Variants in HERC2 observed in about 807,000 individuals in gnomAD.
HERC2 encodes the protein HECT and RLD domain containing E3 ubiquitin protein ligase 2.
In HERC2, 102 loss-of-function variants were observed where a neutral mutation model predicts 537.7. The ratio of observed to expected loss-of-function variants is 0.19; its 90% CI spans 0.16 to 0.22. The LOEUF is 0.22. HERC2 is among the 10% of genes least tolerant of loss of function. The pLI is 1.00. For missense variants in HERC2, 4,236 were observed against 6,198.2 expected, an observed-to-expected ratio of 0.68 and a Z score of 10.63; for synonymous variants, 2,224 against 2,466.2, an observed-to-expected ratio of 0.90 and a Z score of 2.91.
intron 68 of HERC2, among the ~76,000 whole-genome samples, chr15:28,166,643 GA>G (rs1894165831): frequency 1.3e-5 from 2 of 152,146 alleles, no homozygotes; most frequent in African/African-American, 4.8e-5. Context: ...AATGAAGGAA[GA>G]GCCCTAAAAA....
rs143639066 is a variant in HERC2, at chr15:28,178,759, T to C, written c.9163+128A>G. 5.8e-6 allele frequency: 6 copies of C among 1,042,734 alleles called. No homozygotes were observed. The Admixed American group carries it at 7.8e-5, about 14-fold the overall frequency. The allele number at this position is 1,042,734 out of a possible 1,614,324, so 64.6% of individuals were successfully genotyped here. A position where few individuals can be genotyped will look rare whatever the true frequency, so the allele number is the denominator to read the frequency against. Reference sequence around the variant, plus strand: ...TTCTAGACCACCTAGAGATTTACATTATCCAATTTTTATTCCTACTAAGTA... The same window carrying C: ...TTCTAGACCACCTAGAGATTTACATCATCCAATTTTTATTCCTACTAAGTA... On this transcript the variant is annotated intron_variant, in intron 59 of 92. Coordinates refer to ENST00000261609, the MANE Select transcript of HERC2 (RefSeq NM_004667.6).
chr15:28,143,097 G>A (rs760354462), intron 74 of HERC2, 145 bp from the exon 75 acceptor site: 18 of 728,342 alleles, frequency 2.5e-5, no homozygotes, highest in Non-Finnish European at 3.8e-5. Flanking sequence ...AAATTCTCAA[G>A]TAGGAAAAAA....
At chr15:28,194,119 G>A (rs924247551) in intron 52 of HERC2, among the ~76,000 whole-genome samples, 1 of 149,928 alleles carries the variant, frequency 6.7e-6, no homozygotes, top group African/African-American at 2.5e-5. Context: ...AGGCTGGAGT[G>A]CAGTGGCACG....
rs1383342601 is a variant in HERC2, at chr15:28,142,417, C to T, written c.11545-24G>A. ...ACCTGCAGGCACCAAAAATGACAAA[C>T]TCAGGGAAACTCAGAAATGCAGTGA... On this transcript the variant is annotated intron_variant, in intron 75 of 92. Transcript: ENST00000261609. 8 of 1,604,418 alleles carry T rather than the reference C, an allele frequency of 5.0e-6. 1 individual carries two copies. The highest frequency in any genetic ancestry group is 6.0e-6 in the Non-Finnish European group (7 of 1,175,204).
rs564751399 is a variant in HERC2, at chr15:28,162,157, C to T, written c.10746+937G>A. 1.6e-4 allele frequency among the ~76,000 whole-genome samples: 25 copies of T among 152,166 alleles called. No individual in the cohort carries two copies. The South Asian group carries it at 2.1e-3, about 13-fold the overall frequency. ...CCAGCCGGGCCAACATGGTGAAACC[C>T]CATCTCAACTAAAAATACAAAAATT... On this transcript the variant is annotated intron_variant, in intron 69 of 92. Coordinates refer to ENST00000261609, the MANE Select transcript of HERC2 (RefSeq NM_004667.6).
chr15:28,311,261 T>G (rs1284088483), intron 2 of HERC2, among the ~76,000 whole-genome samples: 2 of 151,642 alleles, frequency 1.3e-5, no homozygotes, highest in Admixed American at 1.3e-4. Flanking sequence ...GCCCAGGAGT[T>G]CGAGACCAGC....
rs142517992 is a variant in HERC2, at chr15:28,240,147, A to G, written c.3578-1375T>C. Among the ~76,000 whole-genome samples, 182 of 152,258 alleles carry G rather than the reference A, an allele frequency of 1.2e-3. 1 individual carries two copies. Among genetic ancestry groups the G allele is most frequent in the East Asian group, 7.3e-3 (38 of 5,178 alleles). On this transcript the variant is annotated intron_variant, in intron 23 of 92. Transcript: ENST00000261609. ...TTAAAATAATCCAATCAGAGGGCGC[A>G]GTGGCTCACGCCTGTAATCCCAGCA...
intron 16 of HERC2, among the ~76,000 whole-genome samples, chr15:28,259,117 G>A (rs770644648): frequency 2.0e-5 from 3 of 151,968 alleles, no homozygotes; most frequent in Non-Finnish European, 4.4e-5. Context: ...TTTTTGAGAC[G>A]GAGTTTCGCT....
intron 56 of HERC2, among the ~76,000 whole-genome samples, chr15:28,186,138 C>T (rs1307757484): frequency 6.6e-6 from 1 of 152,072 alleles, no homozygotes; most frequent in Non-Finnish European, 1.5e-5. Flanking sequence ...CTGAACTGTA[C>T]ACTTAAAATG....
chr15:28,175,062 A>T (rs1895126991), intron 64 of HERC2, among the ~76,000 whole-genome samples: 1 of 152,022 alleles, frequency 6.6e-6, no homozygotes, highest in African/African-American at 2.4e-5. Context: ...TTGTTTCCAT[A>T]AATAAAATTT....
chr15:28,259,969 CAAAAAAAAAA>C lies in HERC2; in HGVS notation c.2316+798_2316+807del, dbSNP rs35995546. Among the ~76,000 whole-genome samples, 15 of 67,570 alleles carry C rather than the reference CAAAAAAAAAA, an allele frequency of 2.2e-4. No homozygotes were observed. The East Asian group carries it at 3.1e-3, about 14-fold the overall frequency. 44.3% of individuals were successfully genotyped at this position (67,570 alleles called of 152,430 possible). A position where few individuals can be genotyped will look rare whatever the true frequency, so the allele number is the denominator to read the frequency against. On this transcript the variant is annotated intron_variant, in intron 16 of 92. Coordinates refer to ENST00000261609, the MANE Select transcript of HERC2 (RefSeq NM_004667.6). Reference sequence around the variant, plus strand: ...GGTGACAGAGTGAGACTCCATCTGGCAAAAAAAAAAAAAAAAAAAAAGAGTAGTAAATTGT... The same window carrying C: ...GGTGACAGAGTGAGACTCCATCTGGCAAAAAAAAAAAGAGTAGTAAATTGT...
intron 2 of HERC2, among the ~76,000 whole-genome samples, chr15:28,312,078 T>A (rs948965266): frequency 6.6e-6 from 1 of 152,270 alleles, no homozygotes. Flanking sequence ...TGGAAGGACA[T>A]GCACTGTGGA....
At chr15:28,299,360 A>C in intron 3 of HERC2, 42 bp downstream of exon 3, 1 of 780,160 alleles carries the variant, frequency 1.3e-6, no homozygotes, top group African/African-American at 1.7e-5. Flanking sequence ...GCATTTTATA[A>C]TGGTCTTTAC....
chr15:28,201,178 T>C (rs1897870341), intron 48 of HERC2, among the ~76,000 whole-genome samples: 2 of 152,056 alleles, frequency 1.3e-5, no homozygotes, highest in Admixed American at 1.3e-4. Context: ...TCACACCCTG[T>C]AGGCTTTGCA....
chr15:28,196,418 C>A, intron 51 of HERC2, 43 bp downstream of exon 51: 3 of 1,558,756 alleles, frequency 1.9e-6, no homozygotes, highest in South Asian at 1.1e-5. Flanking sequence ...AACAGAAAAC[C>A]ATTCGTCCCA....
At position 28,245,558 on chromosome 15, in the gene HERC2, A is replaced by AT. The variant is rs1412114288; in HGVS notation, c.3577+322_3577+323insA. On this transcript the variant is annotated intron_variant, in intron 23 of 92. Transcript: ENST00000261609. Reference sequence around the variant, plus strand: ...CAAGATGTAGTGTCAAAAAAAAAAAAAAATATATACACACACACACACACA... The same window carrying AT: ...CAAGATGTAGTGTCAAAAAAAAAAAATAAATATATACACACACACACACACA... 9.8e-5 allele frequency among the ~76,000 whole-genome samples: 12 copies of AT among 122,758 alleles called. No individual in the cohort carries two copies. In the East Asian group the frequency reaches 1.8e-3, roughly 19 times the overall value. The allele number at this position is 122,758 out of a possible 152,430, so 80.5% of individuals were successfully genotyped here. A position where few individuals can be genotyped will look rare whatever the true frequency, so the allele number is the denominator to read the frequency against.
chr15:28,253,227 C>G (rs1244304499), intron 20 of HERC2, among the ~76,000 whole-genome samples: 1 of 152,234 alleles, frequency 6.6e-6, no homozygotes, highest in Admixed American at 6.5e-5. Context: ...CACAGGCTGA[C>G]TCTGACTTCT....
At chr15:28,157,765 T>A (rs535485885) in intron 69 of HERC2, among the ~76,000 whole-genome samples, 29 of 152,338 alleles carry the variant, frequency 1.9e-4, no homozygotes, top group African/African-American at 7.0e-4. Flanking sequence ...ATCTTAGTTA[T>A]TTTTTGCCTT....
intron 6 of HERC2, among the ~76,000 whole-genome samples, 198 bp downstream of exon 6, chr15:28,274,707 C>T (rs140591259): frequency 9.9e-5 from 15 of 152,244 alleles, no homozygotes; most frequent in Non-Finnish European, 1.5e-4. Flanking sequence ...GGGGTGCATA[C>T]ACTCTCTTTT....
Sources: allele counts gnomAD v4.1 joint callset (sites outside exome capture counted in the v4.1 genomes callset), GRCh38; gene constraint gnomAD v4.1.1; transcripts MANE v1.5; gene names NCBI Gene and HGNC (gene_info 2026-07-23, HGNC 2026-07-21).